MAGI1: variants seen among roughly 807,000 people sequenced by gnomAD.
MAGI1 encodes membrane-associated guanylate kinase, WW and PDZ domain-containing protein 1.
MAGI1 carries 58 observed loss-of-function variants against 139.9 expected under a neutral mutation model. The ratio of observed to expected loss-of-function variants is 0.41; its 90% confidence interval spans 0.34 to 0.52. The LOEUF (loss-of-function observed/expected upper bound fraction) is 0.52. Ranked by LOEUF, MAGI1 falls within the 20% of genes least tolerant of loss-of-function variation. The pLI is 0.12. For synonymous variants in MAGI1, 812 were observed against 737.9 expected, an observed-to-expected ratio of 1.10 and a Z score of -1.63; for missense variants, 1,874 against 1,901.6, an observed-to-expected ratio of 0.99 and a Z score of 0.27.
intron 22 of MAGI1, chr3:65,359,321 A>C (rs1940537186): frequency 2.1e-6 from 3 of 1,419,290 alleles, no homozygotes; most frequent in Non-Finnish European, 2.8e-6. Flanking sequence ...AGTCTAAGGC[A>C]ACACTCAAAT....
chr3:65,495,766 G>A (rs924837394), intron 2 of MAGI1, among the ~76,000 whole-genome samples: 5 of 152,098 alleles, frequency 3.3e-5, no homozygotes, highest in Non-Finnish European at 5.9e-5. Flanking sequence ...ATATTAGCTA[G>A]GTGATGAGGA....
chr3:65,691,592 T>A (rs1467359583), intron 1 of MAGI1, among the ~76,000 whole-genome samples: 1 of 152,190 alleles, frequency 6.6e-6, no homozygotes, highest in Non-Finnish European at 1.5e-5. Flanking sequence ...AGGAAAACAC[T>A]GAACTCAAAG....
At chr3:66,035,409 T>C (rs555709495) in intron 1 of MAGI1, among the ~76,000 whole-genome samples, 25 of 152,358 alleles carry the variant, frequency 1.6e-4, no homozygotes, top group Admixed American at 6.5e-4. Flanking sequence ...AGTATGAGCC[T>C]GCTTGATATG....
chr3:66,006,931 A>G (rs184273861), intron 1 of MAGI1, among the ~76,000 whole-genome samples: 2 of 152,248 alleles, frequency 1.3e-5, no homozygotes, highest in Non-Finnish European at 2.9e-5. Context: ...CCTAGGCTCA[A>G]GTGATCTTCC....
chr3:65,520,846 T>C (rs1391677543), intron 2 of MAGI1, among the ~76,000 whole-genome samples: 2 of 152,212 alleles, frequency 1.3e-5, no homozygotes, highest in South Asian at 2.1e-4. Context: ...TTATAAACCA[T>C]GGTAGTCATG....
At chr3:65,600,301 T>C (rs2082417615) in intron 2 of MAGI1, among the ~76,000 whole-genome samples, 1 of 152,208 alleles carries the variant, frequency 6.6e-6, no homozygotes. Context: ...TTCAAGGATG[T>C]AGCTTTCCAG....
At chr3:65,542,151 A>G (rs923803721) in intron 2 of MAGI1, among the ~76,000 whole-genome samples, 1 of 152,216 alleles carries the variant, frequency 6.6e-6, no homozygotes, top group African/African-American at 2.4e-5. Context: ...CCAAATAATG[A>G]GTGAACTCCC....
chr3:65,786,584 T>C (rs1214891283), intron 1 of MAGI1, among the ~76,000 whole-genome samples: 1 of 150,648 alleles, frequency 6.6e-6, no homozygotes, highest in Non-Finnish European at 1.5e-5. Flanking sequence ...ATTACTAGCA[T>C]GAGACACCAC....
Position 65,984,512 on chromosome 3 carries a change from ATGTGTGTGTGTGTGTGTGTGTGTG to A in MAGI1, c.313+53460_313+53483del, listed in dbSNP as rs34046056. Among the ~76,000 whole-genome samples the A allele has an allele frequency of 1.4e-3, 190 of 140,394 alleles. 1 individual carries two copies. The highest frequency in any genetic ancestry group is 2.5e-3 in the Non-Finnish European group (166 of 65,400). 92.1% of individuals were successfully genotyped at this position (140,394 alleles called of 152,430 possible). A position where few individuals can be genotyped will look rare whatever the true frequency, so the allele number is the denominator to read the frequency against. ...TTTAATATAATATTTTCAAAATAAAATGTGTGTGTGTGTGTGTGTGTGTGTGTGTGTGTGTGTGACAGGGTCTCA... is the reference window on the plus strand; with the variant it reads ...TTTAATATAATATTTTCAAAATAAAATGTGTGTGTGTGTGACAGGGTCTCA... On this transcript the variant is annotated intron_variant, in intron 1 of 22. Coordinates refer to ENST00000402939, the MANE Select transcript of MAGI1 (RefSeq NM_001033057.2).
intron 1 of MAGI1, among the ~76,000 whole-genome samples, chr3:65,637,556 A>AAAAAAAAAAGAAAGAAAC (rs1553684079): frequency 7.8e-6 from 1 of 127,876 alleles, no homozygotes; most frequent in African/African-American, 3.1e-5. Flanking sequence ...TGTCTCCAAA[A>AAAAAAAAAAGAAAGAAAC]AAAGAAAGAA....
chr3:65,475,670 A>G (rs1950852468), intron 4 of MAGI1, among the ~76,000 whole-genome samples: 1 of 152,074 alleles, frequency 6.6e-6, no homozygotes, highest in Non-Finnish European at 1.5e-5. Flanking sequence ...TTTGGGCACA[A>G]TTTGTAGAAG....
chr3:65,744,915 C>T (rs1168131477), intron 1 of MAGI1, among the ~76,000 whole-genome samples: 3 of 151,914 alleles, frequency 2.0e-5, no homozygotes, highest in African/African-American at 7.3e-5. Context: ...TTTTTCATCA[C>T]CTGGAAGAGA....
intron 2 of MAGI1, among the ~76,000 whole-genome samples, chr3:65,496,080 C>T (rs778615944): frequency 2.6e-5 from 4 of 152,164 alleles, no homozygotes; most frequent in African/African-American, 7.2e-5. Context: ...CTCGCTCTAT[C>T]GCTCAGGCTG....
intron 1 of MAGI1, among the ~76,000 whole-genome samples, chr3:65,989,459 T>C (rs1265125880): frequency 6.6e-6 from 1 of 152,180 alleles, no homozygotes; most frequent in Non-Finnish European, 1.5e-5. Flanking sequence ...CTGCTATAGG[T>C]CAAAGATTAG....
At chr3:65,891,289 CA>C (rs1426603762) in intron 1 of MAGI1, among the ~76,000 whole-genome samples, 1 of 150,830 alleles carries the variant, frequency 6.6e-6, no homozygotes, top group Non-Finnish European at 1.5e-5. Context: ...GTAACATGGA[CA>C]ACTACTTGCT....
intron 12 of MAGI1, among the ~76,000 whole-genome samples, chr3:65,402,953 G>T (rs567814839): frequency 6.6e-6 from 1 of 152,254 alleles, no homozygotes; most frequent in East Asian, 1.9e-4. Context: ...CACCACTGGG[G>T]GCCGAGGAAT....
intron 5 of MAGI1, among the ~76,000 whole-genome samples, chr3:65,455,979 A>AT (rs1439204459): frequency 6.6e-6 from 1 of 152,212 alleles, no homozygotes; most frequent in Non-Finnish European, 1.5e-5. Flanking sequence ...CAAATTTGTT[A>AT]TAAACATTCA....
intron 22 of MAGI1, among the ~76,000 whole-genome samples, chr3:65,358,300 C>T (rs1040446020): frequency 6.6e-5 from 10 of 152,132 alleles, no homozygotes; most frequent in African/African-American, 2.4e-4. Context: ...AAGCAAAGCA[C>T]CTGAAACAAG....
At chr3:65,954,241 T>G (rs1444031785) in intron 1 of MAGI1, among the ~76,000 whole-genome samples, 1 of 152,138 alleles carries the variant, frequency 6.6e-6, no homozygotes, top group African/African-American at 2.4e-5. Flanking sequence ...CAGATGAAAT[T>G]TGTTAGAGTT....
Sources: gnomAD v4.1 joint callset for allele counts (sites outside exome capture counted in the v4.1 genomes callset) on GRCh38, gnomAD v4.1.1 for gene constraint, MANE v1.5 for transcripts, NCBI Gene and HGNC (gene_info 2026-07-23, HGNC 2026-07-21) for gene names.